The following CREM variants were observed in gnomAD, a reference collection of about 807,000 sequenced individuals.
The protein encoded by CREM is cAMP responsive element modulator.
Under a neutral mutation model 37.3 loss-of-function variants are expected in CREM, and 13 were observed. The observed-to-expected ratio is 0.35, with a 90% CI of 0.23 to 0.55. The LOEUF (loss-of-function observed/expected upper bound fraction) is 0.55. Among genes scored for constraint, CREM ranks in the 20% least tolerant of loss-of-function variants. CREM has a pLI of 0.88. For missense variants in CREM, 296 were observed against 362.3 expected (o/e 0.82, Z 1.49); for synonymous variants, 124 against 120.2 (o/e 1.03, Z -0.21).
chr10:35,146,365 C>A (rs1408625135), intron 2 of CREM, among the ~76,000 whole-genome samples: 3 of 152,254 alleles, frequency 2.0e-5, no homozygotes, highest in Non-Finnish European at 4.4e-5. Context: ...GCCCTTCACC[C>A]TTCTCAAGAC....
chr10:35,149,305 C>T (rs1188513625), intron 3 of CREM, among the ~76,000 whole-genome samples: 6 of 152,114 alleles, frequency 3.9e-5, no homozygotes, highest in Non-Finnish European at 7.3e-5. Context: ...GAAGAGTGTG[C>T]ACAGAGGCAC....
At chr10:35,167,350 G>T (rs1300046038) in intron 3 of CREM, among the ~76,000 whole-genome samples, 1 of 152,154 alleles carries the variant, frequency 6.6e-6, no homozygotes, top group East Asian at 1.9e-4. Context: ...GCTTGTTAGT[G>T]TATTTTTATT....
chr10:35,172,072 T>C (rs981674452), intron 3 of CREM, among the ~76,000 whole-genome samples: 1 of 152,234 alleles, frequency 6.6e-6, no homozygotes, highest in African/African-American at 2.4e-5. Flanking sequence ...CCCAATTTCC[T>C]GAGCTGATGG....
At position 35,166,701 on chromosome 10, in the gene CREM, C is replaced by T. The variant is rs115455800; in HGVS notation, c.169-12188C>T. Among the ~76,000 whole-genome samples the T allele has an allele frequency of 7.0e-3, 1,068 of 152,092 alleles. 17 individuals carry two copies. Among genetic ancestry groups the T allele is most frequent in the African/African-American group, 0.024 (1,004 of 41,474 alleles). On this transcript the variant is annotated intron_variant, in intron 3 of 7. Coordinates refer to ENST00000685392, the MANE Select transcript of CREM (RefSeq NM_183011.2). ...CCAACATTGTGCCACTGAACCGCAG[C>T]CTGAGCAACAGAGCTGAACTCTGTC...
intron 3 of CREM, among the ~76,000 whole-genome samples, chr10:35,165,327 C>A (rs1196813310): frequency 2.6e-5 from 4 of 152,070 alleles, no homozygotes; most frequent in Non-Finnish European, 5.9e-5. Flanking sequence ...AGAGCGAGAA[C>A]TCATGACCAT....
chr10:35,146,630 T>C (rs1021274966), intron 2 of CREM, among the ~76,000 whole-genome samples: 5 of 152,200 alleles, frequency 3.3e-5, no homozygotes, highest in African/African-American at 4.8e-5. Flanking sequence ...TGGGAAGTTA[T>C]AAGAAAAGAG....
rs146471673 is a variant in CREM at position 35,174,781 on chromosome 10, C to G, written c.169-4108C>G. Among the ~76,000 whole-genome samples the G allele has an allele frequency of 2.7e-4, 41 of 152,270 alleles. No homozygotes were observed. The East Asian group carries it at 2.9e-3, about 11-fold the overall frequency. ...GTTGTTTACTAATTAGAAAACCTGGCAGGTTTTGAGTCCAGAGGAGTGGTT... is the reference window on the plus strand; with the variant it reads ...GTTGTTTACTAATTAGAAAACCTGGGAGGTTTTGAGTCCAGAGGAGTGGTT... On this transcript the variant is annotated intron_variant, in intron 3 of 7. Transcript: ENST00000685392.
intron 3 of CREM, among the ~76,000 whole-genome samples, chr10:35,172,634 A>G (rs1285123052): frequency 1.3e-5 from 2 of 151,680 alleles, no homozygotes; most frequent in Non-Finnish European, 1.5e-5. Flanking sequence ...AAAAATTACC[A>G]TTGCATTAAA....
At chr10:35,153,044 A>G (rs928964847) in intron 3 of CREM, among the ~76,000 whole-genome samples, 1 of 151,892 alleles carries the variant, frequency 6.6e-6, no homozygotes, top group African/African-American at 2.4e-5. Context: ...GTTCAAGACC[A>G]GCTTGAGAGC....
intron 3 of CREM, among the ~76,000 whole-genome samples, chr10:35,170,480 A>G (rs2093758701): frequency 6.6e-6 from 1 of 152,208 alleles, no homozygotes; most frequent in African/African-American, 2.4e-5. Context: ...GAATGGTACC[A>G]GCTCCTCCTT....
chr10:35,168,256 C>T (rs1207707378), intron 3 of CREM, among the ~76,000 whole-genome samples: 8 of 152,196 alleles, frequency 5.3e-5, no homozygotes, highest in Non-Finnish European at 1.2e-4. Flanking sequence ...TCCTCTCCAG[C>T]ACCTGTTGTT....
intron 3 of CREM, among the ~76,000 whole-genome samples, chr10:35,156,221 G>A (rs1412876463): frequency 6.6e-6 from 1 of 151,208 alleles, no homozygotes; most frequent in African/African-American, 2.4e-5. Context: ...TTACAGGCGT[G>A]AGCCACAGTT....
intron 1 of CREM, among the ~76,000 whole-genome samples, chr10:35,130,720 A>G (rs527673467): frequency 6.6e-6 from 1 of 152,336 alleles, no homozygotes; most frequent in South Asian, 2.1e-4. Context: ...AACATGCTGT[A>G]CAGGTTTTGT....
chr10:35,188,742 C>G (rs2094768294), intron 6 of CREM, among the ~76,000 whole-genome samples: 1 of 151,450 alleles, frequency 6.6e-6, no homozygotes, highest in Admixed American at 6.6e-5. Context: ...TCACTGCAAC[C>G]TGTCTCCTGG....
Position 35,144,164 on chromosome 10 carries a change from A to T in CREM, c.45-4204A>T, listed in dbSNP as rs371210811. On this transcript the variant is annotated intron_variant, in intron 2 of 7. Coordinates refer to ENST00000685392, the MANE Select transcript of CREM (RefSeq NM_183011.2). Reference sequence around the variant, plus strand: ...CTGCTTTGTCCAGTGTGGTGATGGGAGGTTACAGTGGACAGTGCCCAGTGC... The same window carrying T: ...CTGCTTTGTCCAGTGTGGTGATGGGTGGTTACAGTGGACAGTGCCCAGTGC... Among the ~76,000 whole-genome samples, 23 of 152,200 alleles carry T rather than the reference A, an allele frequency of 1.5e-4. No homozygotes were observed. The South Asian group carries it at 1.7e-3, about 11-fold the overall frequency.
intron 3 of CREM, among the ~76,000 whole-genome samples, chr10:35,153,427 A>G (rs2092712461): frequency 6.6e-6 from 1 of 152,162 alleles, no homozygotes; most frequent in Non-Finnish European, 1.5e-5. Context: ...CTTATATAAC[A>G]AAATGTCATT....
intron 5 of CREM, among the ~76,000 whole-genome samples, chr10:35,181,886 CAAAA>C (rs942467827): frequency 4.6e-5 from 7 of 151,678 alleles, no homozygotes; most frequent in African/African-American, 1.4e-4. Flanking sequence ...AAACAACAAA[CAAAA>C]AAAACACATC....
intron 3 of CREM, among the ~76,000 whole-genome samples, chr10:35,176,754 T>C (rs898828909): frequency 1.3e-5 from 2 of 152,190 alleles, no homozygotes; most frequent in Non-Finnish European, 2.9e-5. Flanking sequence ...TAGGTAGATA[T>C]AAATTTATAA....
chr10:35,176,609 C>T (rs993431436), intron 3 of CREM, among the ~76,000 whole-genome samples: 5 of 151,908 alleles, frequency 3.3e-5, no homozygotes, highest in Non-Finnish European at 5.9e-5. Flanking sequence ...TGGGGTTTCA[C>T]CGTGTTAGCC....
Sources: allele counts gnomAD v4.1 joint callset (sites outside exome capture counted in the v4.1 genomes callset), GRCh38; gene constraint gnomAD v4.1.1; transcripts MANE v1.5; gene names NCBI Gene and HGNC (gene_info 2026-07-23, HGNC 2026-07-21).